The following MTHFD2L variants were observed in gnomAD, a reference collection of about 807,000 sequenced individuals.
The protein encoded by MTHFD2L is methylenetetrahydrofolate dehydrogenase (NADP+ dependent) 2 like.
MTHFD2L carries 29 observed loss-of-function variants against 34.9 expected under a neutral mutation model. That is an observed-to-expected ratio of 0.83 (90% CI 0.62 to 1.13). MTHFD2L has a LOEUF of 1.13. MTHFD2L is among the 50% of genes most tolerant of loss of function. The pLI is 0.00. For missense variants in MTHFD2L, 481 were observed against 446.5 expected (o/e 1.08, Z -0.70); for synonymous variants, 167 against 155.7 (o/e 1.07, Z -0.54).
At chr4:74,199,753 A>G in intron 3 of MTHFD2L, 41 bp from the exon 4 acceptor site, 3 of 1,539,684 alleles carry the variant, frequency 1.9e-6, no homozygotes, top group Non-Finnish European at 2.6e-6. Flanking sequence ...TACCAAATAA[A>G]TAACAATTTT....
chr4:74,169,020 A>C (rs911049151), intron 1 of MTHFD2L, among the ~76,000 whole-genome samples: 29 of 152,208 alleles, frequency 1.9e-4, no homozygotes, highest in African/African-American at 6.8e-4. Context: ...TGCCTCTTAC[A>C]GTGACTCCTA....
At chr4:74,241,949 G>C (rs958568954) in intron 6 of MTHFD2L, 1 of 154,686 alleles carries the variant, frequency 6.5e-6, no homozygotes, top group South Asian at 2.0e-4. Flanking sequence ...AGCGGTTTCC[G>C]GGAGTCAAGG....
At chr4:74,155,740 T>C (rs905384024), upstream of MTHFD2L, among the ~76,000 whole-genome samples, 1 of 152,188 alleles carries the variant, frequency 6.6e-6, no homozygotes, top group Non-Finnish European at 1.5e-5. Flanking sequence ...TGATAAAATA[T>C]GAGGTAGCAT....
At chr4:74,288,713 C>G (rs1198868851) in intron 7 of MTHFD2L, among the ~76,000 whole-genome samples, 1 of 152,144 alleles carries the variant, frequency 6.6e-6, no homozygotes, top group East Asian at 1.9e-4. Context: ...TCACTGAAGA[C>G]ATATCTTGGC....
At chr4:74,128,080 G>A (rs962999930) in intron 1 of MTHFD2L, among the ~76,000 whole-genome samples, 9 of 151,876 alleles carry the variant, frequency 5.9e-5, no homozygotes, top group Non-Finnish European at 1.2e-4. Context: ...TCTGTTGTCC[G>A]TTTTAAAATC....
intron 6 of MTHFD2L, among the ~76,000 whole-genome samples, chr4:74,239,212 A>G (rs1741322925): frequency 6.6e-6 from 1 of 152,162 alleles, no homozygotes. Flanking sequence ...GGAAACCGTC[A>G]TTCTGAGCAA....
intron 6 of MTHFD2L, among the ~76,000 whole-genome samples, chr4:74,279,487 T>G (rs1747144297): frequency 6.6e-6 from 1 of 152,072 alleles, no homozygotes; most frequent in Non-Finnish European, 1.5e-5. Flanking sequence ...ATTTAAAGTT[T>G]TTTTCCATTT....
chr4:74,297,018 T>G (rs1238564936), intron 7 of MTHFD2L, among the ~76,000 whole-genome samples: 1 of 152,104 alleles, frequency 6.6e-6, no homozygotes, highest in Non-Finnish European at 1.5e-5. Flanking sequence ...ATGACTGTTT[T>G]TAAATCTCTT....
rs763391696 is a variant in MTHFD2L at position 74,281,530 on chromosome 4, T to C, written c.911T>C (p.Val304Ala). 17 of 1,612,314 alleles carry C rather than the reference T, an allele frequency of 1.1e-5. No homozygotes were observed. Among genetic ancestry groups the C allele is most frequent in the Non-Finnish European group, 1.4e-5 (17 of 1,178,998 alleles). ...CCAGTGACAGGAAAGACAAAATTAG[T>C]TGGAGATGTGGACTTCGAAGGTAAT... ...HDPVTGKTKLVGDVDFEAVKK... is the reference protein window; with the variant it reads ...HDPVTGKTKLAGDVDFEAVKK... Residue 304 changes from valine to alanine, a missense_variant, in exon 7 of 8, where the codon GTT (valine) becomes GCT (alanine). By Grantham distance (64) the Val-to-Ala change is moderately conservative. Transcript: ENST00000325278.
At chr4:74,199,646 C>CT in intron 3 of MTHFD2L, 148 bp from the exon 4 acceptor site, 3 of 668,382 alleles carry the variant, frequency 4.5e-6, no homozygotes, top group Non-Finnish European at 7.0e-6. Flanking sequence ...ATTTTGGTGG[C>CT]AAATAATAAT....
intron 5 of MTHFD2L, among the ~76,000 whole-genome samples, chr4:74,206,855 T>A (rs1248399769): frequency 6.6e-6 from 1 of 152,202 alleles, no homozygotes; most frequent in Non-Finnish European, 1.5e-5. Context: ...CTAACTGTCA[T>A]AAGAGGATAT....
At chr4:74,155,437 CTCA>C (rs1402000072), upstream of MTHFD2L, among the ~76,000 whole-genome samples, 8 of 152,218 alleles carry the variant, frequency 5.3e-5, no homozygotes, top group Non-Finnish European at 1.2e-4. Flanking sequence ...TGTAAACATT[CTCA>C]TCATATGTAG....
intron 1 of MTHFD2L, among the ~76,000 whole-genome samples, chr4:74,169,781 C>G (rs1408069818): frequency 6.6e-6 from 1 of 152,028 alleles, no homozygotes; most frequent in Non-Finnish European, 1.5e-5. Context: ...AATATCCTTA[C>G]CAGAAATTCA....
At chr4:74,129,019 C>T (rs964260548) in intron 1 of MTHFD2L, among the ~76,000 whole-genome samples, 2 of 152,032 alleles carry the variant, frequency 1.3e-5, no homozygotes, top group African/African-American at 4.8e-5. Flanking sequence ...TTTTCTCTGA[C>T]AGTAAGCTTT....
At chr4:74,237,328 A>G (rs968167366) in intron 6 of MTHFD2L, among the ~76,000 whole-genome samples, 1 of 152,176 alleles carries the variant, frequency 6.6e-6, no homozygotes, top group African/African-American at 2.4e-5. Flanking sequence ...TCCCTGTTCA[A>G]TGAATGAATT....
chr4:74,197,819 A>G (rs905533085), intron 3 of MTHFD2L, among the ~76,000 whole-genome samples: 6 of 152,184 alleles, frequency 3.9e-5, no homozygotes, highest in Admixed American at 3.9e-4. Context: ...TTTTAAATGT[A>G]GATAGAGTAG....
intron 6 of MTHFD2L, among the ~76,000 whole-genome samples, chr4:74,266,424 C>G (rs962276319): frequency 2.0e-5 from 3 of 152,172 alleles, no homozygotes; most frequent in African/African-American, 7.2e-5. Flanking sequence ...AAGGCATCTG[C>G]TTTAGCCATC....
chr4:74,165,087 G>A (rs964330167), intron 1 of MTHFD2L: 7 of 511,568 alleles, frequency 1.4e-5, no homozygotes, highest in African/African-American at 1.3e-4. Context: ...GTAAAAAGGG[G>A]CACGAATGTA....
At chr4:74,118,897 C>T (rs535744258), upstream of MTHFD2L, among the ~76,000 whole-genome samples, 1 of 152,284 alleles carries the variant, frequency 6.6e-6, no homozygotes, top group Non-Finnish European at 1.5e-5. Flanking sequence ...GTGAACTGCG[C>T]ATGAGAGGGA....
Sources: allele counts gnomAD v4.1 joint callset (sites outside exome capture counted in the v4.1 genomes callset), GRCh38; gene constraint gnomAD v4.1.1; transcripts MANE v1.5; gene names NCBI Gene and HGNC (gene_info 2026-07-23, HGNC 2026-07-21).